DPH6: variants seen among roughly 807,000 people sequenced by gnomAD.
DPH6 encodes diphthamine biosynthesis 6.
In DPH6, 33 loss-of-function variants were observed where a neutral mutation model predicts 38.2. The observed-to-expected ratio is 0.86, with a 90% CI of 0.65 to 1.15. DPH6 has a LOEUF of 1.15. Ranked by LOEUF, DPH6 falls within the 50% of genes most tolerant of loss-of-function variation. DPH6 has a pLI of 0.00. For synonymous variants in DPH6, 108 were observed against 103.0 expected, an observed-to-expected ratio of 1.05 and a Z score of -0.30; for missense variants, 325 against 320.0, an observed-to-expected ratio of 1.02 and a Z score of -0.12.
At chr15:35,195,443 G>C in the DPH6 span, among the ~76,000 whole-genome samples, 1 of 152,162 alleles carries the variant, frequency 6.6e-6, no homozygotes, top group African/African-American at 2.4e-5. Flanking sequence ...AACTTTGGGT[G>C]AAAAGATACC....
the DPH6 span, among the ~76,000 whole-genome samples, chr15:35,194,925 T>A: frequency 6.6e-6 from 1 of 152,250 alleles, no homozygotes; most frequent in African/African-American, 2.4e-5. Context: ...CTAGGAGCAT[T>A]TGAATTATTT....
intron 6 of DPH6, among the ~76,000 whole-genome samples, chr15:35,396,976 TA>T (rs1700130144): frequency 2.0e-5 from 3 of 152,212 alleles, no homozygotes; most frequent in Admixed American, 6.5e-5. Context: ...TTGTCAAACC[TA>T]TAAGGAAGAC....
At chr15:35,193,250 A>T in the DPH6 span, among the ~76,000 whole-genome samples, 1 of 152,114 alleles carries the variant, frequency 6.6e-6, no homozygotes, top group Admixed American at 6.6e-5. Flanking sequence ...AGAACAATGC[A>T]AAGGCAGAGA....
At chr15:35,510,636 C>T (rs1052167259) in intron 3 of DPH6, among the ~76,000 whole-genome samples, 4 of 152,126 alleles carry the variant, frequency 2.6e-5, no homozygotes, top group Admixed American at 2.0e-4. Context: ...CTCCCAACTC[C>T]CCACTCTTCA....
intron 3 of DPH6, among the ~76,000 whole-genome samples, chr15:35,293,999 G>A (rs2051997590): frequency 6.6e-6 from 1 of 152,172 alleles, no homozygotes; most frequent in Non-Finnish European, 1.5e-5. Context: ...TAGGGAGAGA[G>A]CTTCACATCT....
At chr15:35,179,551 C>T in the DPH6 span, among the ~76,000 whole-genome samples, 1 of 152,008 alleles carries the variant, frequency 6.6e-6, no homozygotes, top group Non-Finnish European at 1.5e-5. Flanking sequence ...GGAGAAAAGG[C>T]GGTTCAAAGA....
chr15:35,419,444 C>T (rs112475896), intron 5 of DPH6, among the ~76,000 whole-genome samples: 3,949 of 152,106 alleles, frequency 0.026, 80 homozygotes, highest in African/African-American at 0.058. Context: ...TATCTCAACA[C>T]GTGACTTCTT....
intron 3 of DPH6, among the ~76,000 whole-genome samples, chr15:35,256,817 C>T (rs776999006): frequency 6.6e-6 from 1 of 151,924 alleles, no homozygotes; most frequent in Non-Finnish European, 1.5e-5. Flanking sequence ...TAGTTTAGTT[C>T]GGGGTCAATG....
chr15:35,295,071 A>G (rs1237921086), intron 3 of DPH6, among the ~76,000 whole-genome samples: 1 of 152,160 alleles, frequency 6.6e-6, no homozygotes, highest in Non-Finnish European at 1.5e-5. Flanking sequence ...TCCTTAACTA[A>G]CACACAACGA....
intron 3 of DPH6, among the ~76,000 whole-genome samples, chr15:35,496,567 A>AAAAAAAATATATATATATATATAT: frequency 1.9e-4 from 6 of 31,014 alleles, no homozygotes; most frequent in Non-Finnish European, 2.6e-4. Context: ...AAAAAAAAAA[A>AAAAAAAATATATATATATATATAT]ATATATATAT....
chr15:35,214,947 T>C (rs967767886), downstream of DPH6, among the ~76,000 whole-genome samples: 2 of 152,196 alleles, frequency 1.3e-5, no homozygotes, highest in African/African-American at 4.8e-5. Context: ...GCTTCTACTC[T>C]CGCAAGAATC....
At chr15:35,357,987 T>A (rs985030819) in intron 3 of DPH6, among the ~76,000 whole-genome samples, 1 of 152,218 alleles carries the variant, frequency 6.6e-6, no homozygotes, top group African/African-American at 2.4e-5. Context: ...TTTTCCAAGC[T>A]TTTAGAATTC....
chr15:35,404,768 G>C (rs1323302449), intron 6 of DPH6, among the ~76,000 whole-genome samples: 1 of 151,986 alleles, frequency 6.6e-6, no homozygotes, highest in Admixed American at 6.6e-5. Flanking sequence ...TTGCCTGGTT[G>C]GGGGGTGGTA....
intron 5 of DPH6, among the ~76,000 whole-genome samples, chr15:35,422,178 A>G (rs966710406): frequency 6.6e-6 from 1 of 151,976 alleles, no homozygotes; most frequent in African/African-American, 2.4e-5. Context: ...GGTGAATTCA[A>G]TATTAATTGT....
rs2054925306 is a variant in DPH6, at chr15:35,521,712, T to C, written c.312+16562A>G. 5.7e-6 allele frequency: 7 copies of C among 1,231,384 alleles called. No homozygotes were observed. In the East Asian group the frequency reaches 2.2e-4, roughly 39 times the overall value. 76.3% of individuals were successfully genotyped at this position (1,231,384 alleles called of 1,614,324 possible). ...AAGAGCAGCATATTAAAATCAATTTTAGTCAACTTTAATTTATGCAAAGCT... is the reference window on the plus strand; with the variant it reads ...AAGAGCAGCATATTAAAATCAATTTCAGTCAACTTTAATTTATGCAAAGCT... On this transcript the variant is annotated intron_variant, in intron 3 of 8. Transcript: ENST00000256538.
At chr15:35,170,550 C>T in the DPH6 span, among the ~76,000 whole-genome samples, 1 of 152,060 alleles carries the variant, frequency 6.6e-6, no homozygotes, top group African/African-American at 2.4e-5. Flanking sequence ...GAATAGTATT[C>T]GTGGTACTAA....
At chr15:35,465,560 C>A (rs750584779) in intron 3 of DPH6, among the ~76,000 whole-genome samples, 1 of 152,070 alleles carries the variant, frequency 6.6e-6, no homozygotes, top group Non-Finnish European at 1.5e-5. Context: ...TGAATATTAT[C>A]TTAAATAAAA....
intron 3 of DPH6, among the ~76,000 whole-genome samples, chr15:35,331,746 G>A (rs984262175): frequency 6.6e-6 from 1 of 152,168 alleles, no homozygotes; most frequent in African/African-American, 2.4e-5. Flanking sequence ...TCTGTAGAAT[G>A]TGCCCTAAAA....
intron 3 of DPH6, among the ~76,000 whole-genome samples, chr15:35,315,131 G>A (rs911899493): frequency 6.6e-6 from 1 of 152,126 alleles, no homozygotes; most frequent in Admixed American, 6.5e-5. Flanking sequence ...GACAACACCT[G>A]ACCTCATGTC....
Sources: gnomAD v4.1 joint callset for allele counts (sites outside exome capture counted in the v4.1 genomes callset) on GRCh38, gnomAD v4.1.1 for gene constraint, MANE v1.5 for transcripts, NCBI Gene and HGNC (gene_info 2026-07-23, HGNC 2026-07-21) for gene names.